FCN2: variants seen among roughly 807,000 people sequenced by gnomAD.
FCN2 encodes the protein ficolin-2.
Under a neutral mutation model 32.5 loss-of-function variants are expected in FCN2, and 31 were observed. The observed-to-expected ratio is 0.96, with a 90% CI of 0.72 to 1.29. The LOEUF is 1.29. Ranked by LOEUF, FCN2 falls within the 50% of genes most tolerant of loss-of-function variation. The pLI is 0.00. For missense variants in FCN2, 412 were observed against 406.5 expected (o/e 1.01, Z -0.12); for synonymous variants, 181 against 164.5 (o/e 1.10, Z -0.77).
At position 134,887,460 on chromosome 9, in the gene FCN2, T is replaced by A. The variant is rs4521835; in HGVS notation, c.*45T>A. ...CAGGACGCCTCCACACATAGTTGGT[T>A]GGGGGGTAGGGTTGGGAGCTTGGCC... is the stretch of plus-strand genomic sequence containing the variant. On this transcript the variant is annotated 3_prime_UTR_variant, in exon 8 of 8. Transcript: ENST00000291744. 1.3e-6 allele frequency: 2 copies of A among 1,595,432 alleles called. No homozygotes were observed. The highest frequency in any genetic ancestry group is 1.3e-5 in the African/African-American group (1 of 74,472).
the FCN2 span, among the ~76,000 whole-genome samples, chr9:134,871,269 TGA>T: frequency 3.9e-5 from 6 of 152,198 alleles, no homozygotes; most frequent in Non-Finnish European, 8.8e-5. Flanking sequence ...GCTTGGCCAC[TGA>T]GTGTGGTTTT....
In FCN2 at chr9:134,882,506, C is replaced by G; in HGVS notation, c.101-20C>G. ...TTCAGGCCCAGGTGACACTGAGTGG[C>G]CACCTGTGTTTTTCTGCAGAGGTGA... On this transcript the variant is annotated intron_variant, in intron 1 of 7. Transcript: ENST00000291744. 1 of 1,585,714 alleles carries G rather than the reference C, an allele frequency of 6.3e-7. No individual in the cohort carries two copies. The highest frequency in any genetic ancestry group is 1.7e-4 in the Middle Eastern group (1 of 5,918).
chr9:134,885,869 T>C lies in FCN2; in HGVS notation c.531T>C (p.Asn177=), dbSNP rs2133007660. ...GGCTGGGGGAGTTCTGGCTGGGGAA[T>C]GACAACATCCACGCCCTGACCGCCC... is the stretch of plus-strand genomic sequence containing the variant. The part of the protein sequence containing the change: ...GSRLGEFWLG[N]DNIHALTAQG... Residue 177 remains asparagine, a synonymous_variant, in exon 6 of 8, where the codon AAT becomes AAC. Transcript: ENST00000291744. 1 of 1,613,506 alleles carries C rather than the reference T, an allele frequency of 6.2e-7. No homozygotes were observed. Among genetic ancestry groups the C allele is most frequent in the South Asian group, 1.1e-5 (1 of 91,056 alleles).
the FCN2 span, among the ~76,000 whole-genome samples, chr9:134,872,251 G>C: frequency 6.6e-5 from 10 of 152,136 alleles, no homozygotes; most frequent in Non-Finnish European, 1.5e-4. Context: ...CCCGTGGATG[G>C]ATGGACCACA....
At chr9:134,887,090 A>C in intron 7 of FCN2, 78 bp from the exon 8 acceptor site, 1 of 1,537,698 alleles carries the variant, frequency 6.5e-7, no homozygotes, top group Non-Finnish European at 9.0e-7. Flanking sequence ...ACACCAGGCC[A>C]GGCCTCAGGT....
At chr9:134,887,039 G>A in intron 7 of FCN2, 129 bp from the exon 8 acceptor site, 2 of 1,072,812 alleles carry the variant, frequency 1.9e-6, no homozygotes, top group Non-Finnish European at 2.9e-6. Flanking sequence ...GCACTTCTTG[G>A]ATTGTGCAGT....
At chr9:134,874,396 A>G in the FCN2 span, among the ~76,000 whole-genome samples, 1 of 152,120 alleles carries the variant, frequency 6.6e-6, no homozygotes, top group Non-Finnish European at 1.5e-5. Context: ...ATTTTTCTAT[A>G]TAGTGTGAGG....
chr9:134,865,407 G>A, the FCN2 span, among the ~76,000 whole-genome samples: 5 of 152,208 alleles, frequency 3.3e-5, no homozygotes, highest in African/African-American at 1.2e-4. Context: ...AGGGGCCAGG[G>A]TAATGGTGGG....
chr9:134,873,207 T>G, the FCN2 span, among the ~76,000 whole-genome samples: 1 of 152,110 alleles, frequency 6.6e-6, no homozygotes, highest in East Asian at 1.9e-4. Context: ...ATGTGATGCA[T>G]GAGAGCCTAT....
chr9:134,876,550 C>T (rs1397192422), upstream of FCN2, among the ~76,000 whole-genome samples: 1 of 152,108 alleles, frequency 6.6e-6, no homozygotes, highest in Non-Finnish European at 1.5e-5. Flanking sequence ...GGCTTAACTA[C>T]AATTTCAATT....
the FCN2 span, among the ~76,000 whole-genome samples, chr9:134,872,944 G>C: frequency 5.3e-5 from 8 of 152,146 alleles, no homozygotes; most frequent in Non-Finnish European, 1.0e-4. Context: ...ACTGGGTACC[G>C]TCAGTCCTCT....
Position 134,882,468 on chromosome 9 carries a change from G to C in FCN2, c.101-58G>C, listed in dbSNP as rs547685233. ...CTTTCAGTTGAGTGGTATATCTATG[G>C]CTCAGTGGAGTCTTCAGGCCCAGGT... On this transcript the variant is annotated intron_variant, in intron 1 of 7. Coordinates refer to ENST00000291744, the MANE Select transcript of FCN2 (RefSeq NM_004108.3). 1.2e-5 allele frequency: 17 copies of C among 1,364,092 alleles called. No homozygotes were observed. The Admixed American group carries it at 2.2e-4, about 17-fold the overall frequency. 84.5% of individuals were successfully genotyped at this position (1,364,092 alleles called of 1,614,324 possible).
intron 6 of FCN2, among the ~76,000 whole-genome samples, chr9:134,886,128 G>A (rs886569501): frequency 6.6e-6 from 1 of 152,174 alleles, no homozygotes; most frequent in Admixed American, 6.5e-5. Flanking sequence ...TCAGGTCTTG[G>A]CCCCACTGGC....
At chr9:134,874,304 T>G in the FCN2 span, among the ~76,000 whole-genome samples, 1 of 152,256 alleles carries the variant, frequency 6.6e-6, no homozygotes, top group Non-Finnish European at 1.5e-5. Flanking sequence ...ATCCAAGAAA[T>G]CATTGCCTAA....
upstream of FCN2, among the ~76,000 whole-genome samples, chr9:134,878,699 C>T (rs115681717): frequency 4.0e-4 from 61 of 152,132 alleles, no homozygotes; most frequent in African/African-American, 1.4e-3. Flanking sequence ...AAAAAGTAGC[C>T]GGACATGGTA....
upstream of FCN2, among the ~76,000 whole-genome samples, chr9:134,878,327 CT>C (rs1830621202): frequency 6.6e-6 from 1 of 152,178 alleles, no homozygotes; most frequent in African/African-American, 2.4e-5. Flanking sequence ...GGCCATGTGC[CT>C]TGCGGGAACT....
chr9:134,885,436 G>A (rs766626722), intron 5 of FCN2, 70 bp downstream of exon 5: 25 of 1,586,586 alleles, frequency 1.6e-5, no homozygotes, highest in Non-Finnish European at 2.0e-5. Context: ...CCTGGTGGGA[G>A]AACACACTCT....
At chr9:134,870,866 C>T in the FCN2 span, among the ~76,000 whole-genome samples, 1 of 152,116 alleles carries the variant, frequency 6.6e-6, no homozygotes, top group South Asian at 2.1e-4. This position sits in a 1 kb window ranked among gnomAD's most constrained non-coding sequence, Gnocchi z 4.3. Context: ...TCAGAGCCTC[C>T]TCCCTTAAGC....
upstream of FCN2, among the ~76,000 whole-genome samples, chr9:134,880,497 C>T (rs1206850126): frequency 2.0e-5 from 3 of 152,218 alleles, no homozygotes; most frequent in South Asian, 2.1e-4. Flanking sequence ...CCTTGTTCCC[C>T]GTTCTCAGCT....
Sources: gnomAD v4.1 joint callset for allele counts (sites outside exome capture counted in the v4.1 genomes callset) on GRCh38, gnomAD v4.1.1 for gene constraint, Gnocchi (gnomAD v3.1) non-coding constraint, MANE v1.5 for transcripts, NCBI Gene and HGNC (gene_info 2026-07-23, HGNC 2026-07-21) for gene names.